Variants in ALPK3 observed in about 807,000 individuals in gnomAD.
ALPK3 encodes alpha kinase 3.
ALPK3 carries 102 observed loss-of-function variants against 140.0 expected under a neutral mutation model. The observed-to-expected ratio is 0.73, with a 90% CI of 0.62 to 0.86. The LOEUF (loss-of-function observed/expected upper bound fraction) is 0.86, where lower values mean the gene tolerates loss of function less well. Among genes scored for constraint, ALPK3 ranks in the 40% least tolerant of loss-of-function variants. The pLI, the probability that ALPK3 is intolerant of heterozygous loss-of-function variation, is 0.00. For missense variants in ALPK3, 2,254 were observed against 2,208.2 expected (o/e 1.02, Z -0.42); for synonymous variants, 938 against 898.5 (o/e 1.04, Z -0.79).
chr15:84,824,158 CT>C (rs1963459510), intron 2 of ALPK3, among the ~76,000 whole-genome samples: 1 of 152,134 alleles, frequency 6.6e-6, no homozygotes, highest in Non-Finnish European at 1.5e-5. Flanking sequence ...CTGAATTTTC[CT>C]TTCCTTTGGT....
At chr15:84,818,964 T>C (rs1258002054) in intron 1 of ALPK3, among the ~76,000 whole-genome samples, 1 of 152,220 alleles carries the variant, frequency 6.6e-6, no homozygotes, top group African/African-American at 2.4e-5. Context: ...CTTTGCCTCC[T>C]GTGTTTGGCC....
rs1963655283 is a variant in ALPK3 at position 84,840,832 on chromosome 15, C to A, written c.1553C>A (p.Pro518His). 6.2e-7 allele frequency: 1 copy of A among 1,614,116 alleles called. No individual in the cohort carries two copies. The highest frequency in any genetic ancestry group is 1.7e-5 in the Admixed American group (1 of 60,014). ...CGAQSLGKAP[P>H]QASVQVPTPP... Reference sequence around the variant, plus strand: ...GCCCAGAGCTTAGGAAAGGCCCCACCTCAGGCCTCTGTGCAGGTGCCGACG... The same window carrying A: ...GCCCAGAGCTTAGGAAAGGCCCCACATCAGGCCTCTGTGCAGGTGCCGACG... The change falls in exon 5 of 14, where the codon CCT (proline) becomes CAT (histidine). Residue 518 changes from proline to histidine, a missense_variant. Physicochemically the swap from Pro to His is moderately conservative, Grantham distance 77. Transcript: ENST00000258888.
At chr15:84,864,855 A>G (rs887030323) in intron 12 of ALPK3, among the ~76,000 whole-genome samples, 190 bp downstream of exon 12, 19 of 152,204 alleles carry the variant, frequency 1.2e-4, no homozygotes, top group Non-Finnish European at 2.6e-4. Context: ...TACATACCTC[A>G]TGTAGCCCAG....
At position 84,817,588 on chromosome 15, in the gene ALPK3, G is replaced by C; in HGVS notation, c.136G>C (p.Glu46Gln). 6.7e-7 allele frequency: 1 copy of C among 1,500,014 alleles called. No homozygotes were observed. Among genetic ancestry groups the C allele is most frequent in the Non-Finnish European group, 8.8e-7 (1 of 1,130,070 alleles). The allele number at this position is 1,500,014 out of a possible 1,614,324, so 92.9% of individuals were successfully genotyped here. Residue 46 changes from glutamate to glutamine, a missense_variant, in exon 1 of 14, where the codon GAG (glutamate) becomes CAG (glutamine). Physicochemically the swap from Glu to Gln is conservative, Grantham distance 29. Coordinates refer to ENST00000258888, the MANE Select transcript of ALPK3 (RefSeq NM_020778.5). ...SRSYLLSVRP[E>Q]TSLSSNRLSH... ...GAGCTACCTGCTCAGCGTGCGGCCC[G>C]AGACCAGGTAAGTGGCACCAAGGGG...
Position 84,856,699 on chromosome 15 carries a change from A to G in ALPK3, c.1961A>G (p.Asp654Gly). 1 of 1,614,130 alleles carries G rather than the reference A, an allele frequency of 6.2e-7. No homozygotes were observed. Among genetic ancestry groups the G allele is most frequent in the Non-Finnish European group, 8.5e-7 (1 of 1,180,034 alleles). Reference sequence around the variant, plus strand: ...CAAGAAAGCAAGAGGCCACAGTCAGACAGGAGTGCACAGAAGGGCATGATG... The same window carrying G: ...CAAGAAAGCAAGAGGCCACAGTCAGGCAGGAGTGCACAGAAGGGCATGATG... ...GTQESKRPQS[D>G]RSAQKGMMTQ... Residue 654 changes from aspartate to glycine, a missense_variant, in exon 6 of 14, where the codon GAC (aspartate) becomes GGC (glycine). Physicochemically the swap from Asp to Gly is moderately conservative, Grantham distance 94. Transcript: ENST00000258888.
In ALPK3 at chr15:84,856,423, C is replaced by T. The variant is rs772032580; in HGVS notation, c.1685C>T (p.Thr562Ile). The change falls in exon 6 of 14, where the codon ACC becomes ATC. Residue 562 changes from threonine (T) to isoleucine (I), a missense_variant. Coordinates refer to ENST00000258888, the MANE Select transcript of ALPK3 (RefSeq NM_020778.5). ...GAATGCCAGACAACCACGGCTCCTA[C>T]CATGTCGGCCAGCAGCAGCTCTGAT... Reference protein sequence around the residue: ...VLECQTTTAPTMSASSSSDVA... With the variant: ...VLECQTTTAPIMSASSSSDVA... The T allele has an allele frequency of 6.2e-7, 1 of 1,608,554 alleles. No homozygotes were observed. Among genetic ancestry groups the T allele is most frequent in the Non-Finnish European group, 8.5e-7 (1 of 1,177,624 alleles).
rs1266528635 is a variant in ALPK3 at position 84,859,879 on chromosome 15, A to T, written c.4069A>T (p.Thr1357Ser). The T allele has an allele frequency of 1.2e-6, 2 of 1,613,990 alleles. No homozygotes were observed. The highest frequency in any genetic ancestry group is 1.1e-5 in the South Asian group (1 of 91,084). Reference sequence around the variant, plus strand: ...CCACAATGAGCACGGCTCGGCCTCCACCGACTTCTGCCTCAGCCCTGAGGG... The same window carrying T: ...CCACAATGAGCACGGCTCGGCCTCCTCCGACTTCTGCCTCAGCCCTGAGGG... ...TIHNEHGSASTDFCLSPEVLS... is the reference protein window; with the variant it reads ...TIHNEHGSASSDFCLSPEVLS... Residue 1357 changes from threonine (T) to serine (S), a missense_variant, in exon 8 of 14, where the codon ACC becomes TCC. Physicochemically the swap from Thr to Ser is moderately conservative, Grantham distance 58. Coordinates refer to ENST00000258888, the MANE Select transcript of ALPK3 (RefSeq NM_020778.5).
chr15:84,863,168 C>T (rs1963968229), intron 10 of ALPK3, among the ~76,000 whole-genome samples: 1 of 152,074 alleles, frequency 6.6e-6, no homozygotes, highest in Non-Finnish European at 1.5e-5. Flanking sequence ...CAGAAACCTT[C>T]CCCCTGCCCC....
intron 5 of ALPK3, among the ~76,000 whole-genome samples, chr15:84,854,323 T>C (rs1963837547): frequency 6.6e-6 from 1 of 152,052 alleles, no homozygotes; most frequent in South Asian, 2.1e-4. Context: ...GTTTCACTCT[T>C]GTTGCCCAAG....
chr15:84,850,279 T>C (rs1167429395), intron 5 of ALPK3, among the ~76,000 whole-genome samples: 1 of 152,162 alleles, frequency 6.6e-6, no homozygotes, highest in Admixed American at 6.5e-5. Flanking sequence ...CCTTAGAGGG[T>C]TATAAACCAT....
Position 84,857,580 on chromosome 15 carries a change from G to T in ALPK3, c.2842G>T (p.Gly948Cys), listed in dbSNP as rs1217503979. ...ACCAGATGTGGAGGGGCGGACCCCAGGTCCCCGGAGCTGTGACCCTGGCCT... is the reference window on the plus strand; with the variant it reads ...ACCAGATGTGGAGGGGCGGACCCCATGTCCCCGGAGCTGTGACCCTGGCCT... Reference protein sequence around the residue: ...QVPDVEGRTPGPRSCDPGLID... With the variant: ...QVPDVEGRTPCPRSCDPGLID... Residue 948 changes from glycine (G) to cysteine (C), a missense_variant, in exon 6 of 14, where the codon GGT becomes TGT. Gly to Cys is a radical substitution (Grantham distance 159). Coordinates refer to ENST00000258888, the MANE Select transcript of ALPK3 (RefSeq NM_020778.5). 3.2e-6 allele frequency: 5 copies of T among 1,572,880 alleles called. No homozygotes were observed. In the Admixed American group the frequency reaches 8.9e-5, roughly 28 times the overall value.
chr15:84,819,894 C>T (rs1049046802), intron 1 of ALPK3, among the ~76,000 whole-genome samples: 2 of 152,182 alleles, frequency 1.3e-5, no homozygotes, highest in African/African-American at 2.4e-5. Flanking sequence ...GGTGGATGGC[C>T]CAGAACCTAT....
intron 1 of ALPK3, among the ~76,000 whole-genome samples, chr15:84,820,990 C>CT (rs58932296): frequency 0.62 from 93,206 of 150,566 alleles, 30,095 homozygotes; most frequent in African/African-American, 0.82. Context: ...ACCTCCAACC[C>CT]TTTTTTTTTC....
Position 84,859,753 on chromosome 15 carries a change from C to A in ALPK3, c.3966-23C>A, listed in dbSNP as rs776390012. ...GTCTGCCCCCATGCCATGGCCCTCA[C>A]GAGTAGGGTCTCCACTCTGCAGCGC... On this transcript the variant is annotated intron_variant, in intron 7 of 13. Transcript: ENST00000258888. The A allele has an allele frequency of 4.4e-6, 7 of 1,602,894 alleles. No homozygotes were observed. In the East Asian group the frequency reaches 1.3e-4, roughly 31 times the overall value.
At chr15:84,861,794 ACC>A (rs1381140006) in intron 9 of ALPK3, among the ~76,000 whole-genome samples, 2 of 4,488 alleles carry the variant, frequency 4.5e-4, no homozygotes, top group African/African-American at 7.4e-3. Context: ...TTGGTGCCCT[ACC>A]CTACCGTTTT....
At chr15:84,823,238 A>T in intron 1 of ALPK3, 92 bp from the exon 2 acceptor site, 1 of 1,434,652 alleles carries the variant, frequency 7.0e-7, no homozygotes, top group Non-Finnish European at 9.8e-7. Context: ...TGGGCCCCAG[A>T]TGGTGGCCGA....
intron 6 of ALPK3, among the ~76,000 whole-genome samples, chr15:84,858,777 T>C (rs971315112): frequency 1.3e-4 from 20 of 152,204 alleles, no homozygotes; most frequent in Admixed American, 1.1e-3. Flanking sequence ...GCCTTTGCAA[T>C]GGCATGAGGC....
At position 84,864,502 on chromosome 15, in the gene ALPK3, G is replaced by A. The variant is rs1963982281; in HGVS notation, c.4560G>A (p.Glu1520=). ...PANNIPYATL[E]EDLGKPLESY... ...ACAATATCCCATATGCTACCCTGGA[G>A]GAAGACCTGGGCAAGCCCCTGGAGT... The change falls in exon 12 of 14, where the codon GAG becomes GAA. Residue 1520 remains glutamate (E), a synonymous_variant. Transcript: ENST00000258888. 3.7e-6 allele frequency: 6 copies of A among 1,614,198 alleles called. No individual in the cohort carries two copies. Among genetic ancestry groups the A allele is most frequent in the Non-Finnish European group, 5.1e-6 (6 of 1,180,040 alleles).
chr15:84,865,776 C>T (rs1368434439), intron 12 of ALPK3, among the ~76,000 whole-genome samples: 3 of 152,096 alleles, frequency 2.0e-5, no homozygotes, highest in African/African-American at 7.2e-5. Flanking sequence ...CTGGCCAACA[C>T]AGCAAAACCC....
Sources: allele counts gnomAD v4.1 joint callset (sites outside exome capture counted in the v4.1 genomes callset), GRCh38; gene constraint gnomAD v4.1.1; transcripts MANE v1.5; gene names NCBI Gene and HGNC (gene_info 2026-07-23, HGNC 2026-07-21).